TRANK1: variants seen among roughly 807,000 people sequenced by gnomAD.
The protein encoded by TRANK1 is TPR and ankyrin repeat-containing protein 1.
Under a neutral mutation model 266.0 loss-of-function variants are expected in TRANK1, and 198 were observed. The observed-to-expected ratio is 0.74, with a 90% CI of 0.66 to 0.84. The LOEUF is 0.84. TRANK1 is among the 40% of genes least tolerant of loss of function. The pLI, the probability that TRANK1 is intolerant of heterozygous loss-of-function variation, is 0.00. For synonymous variants in TRANK1, 1,396 were observed against 1,384.1 expected, an observed-to-expected ratio of 1.01 and a Z score of -0.19; for missense variants, 3,326 against 3,634.6, an observed-to-expected ratio of 0.92 and a Z score of 2.18.
chr3:36,912,460 T>C (rs913357333), intron 1 of TRANK1, among the ~76,000 whole-genome samples: 1 of 152,200 alleles, frequency 6.6e-6, no homozygotes, highest in African/African-American at 2.4e-5. Flanking sequence ...ACTTTCAGTT[T>C]CGTTAATGGT....
chr3:36,879,591 AATATATAAAT>A lies in TRANK1; in HGVS notation c.908-5305_908-5296del, dbSNP rs1231468291. ...ATATATAAATATATATAAATATACA[AATATATAAAT>A]ATATATAAATATACAAATATATATA... is the stretch of plus-strand genomic sequence containing the variant. On this transcript the variant is annotated intron_variant, in intron 8 of 23. Coordinates refer to ENST00000645898, the MANE Select transcript of TRANK1 (RefSeq NM_001329998.2). Among the ~76,000 whole-genome samples the A allele has an allele frequency of 7.7e-5, 8 of 103,420 alleles. 2 individuals are homozygous for A. Among genetic ancestry groups the A allele is most frequent in the Non-Finnish European group, 3.6e-5 (2 of 55,066 alleles). 67.8% of individuals were successfully genotyped at this position (103,420 alleles called of 152,430 possible).
At chr3:36,837,286 T>C (rs1207122288) in intron 20 of TRANK1, among the ~76,000 whole-genome samples, 1 of 152,138 alleles carries the variant, frequency 6.6e-6, no homozygotes, top group Non-Finnish European at 1.5e-5. Context: ...CATTCCCTTC[T>C]CCCACATCTT....
At chr3:36,850,241 T>C (rs2078968814) in intron 15 of TRANK1, 2 of 985,296 alleles carry the variant, frequency 2.0e-6, no homozygotes, top group Admixed American at 1.2e-4. Context: ...GTAAAAATGG[T>C]TCCAGGGTTA....
intron 2 of TRANK1, among the ~76,000 whole-genome samples, chr3:36,904,442 C>G (rs1282254657): frequency 2.0e-5 from 3 of 151,628 alleles, no homozygotes; most frequent in African/African-American, 7.3e-5. Flanking sequence ...ATCGTTTGAA[C>G]CCAGGAGGAG....
intron 8 of TRANK1, chr3:36,880,315 A>G: frequency 2.5e-6 from 1 of 398,116 alleles, no homozygotes; most frequent in Non-Finnish European, 5.3e-6. Context: ...CTCATGAGAA[A>G]CATCGATTCT....
intron 2 of TRANK1, among the ~76,000 whole-genome samples, chr3:36,907,148 A>ATATT (rs747053801): frequency 1.4e-4 from 21 of 152,104 alleles, no homozygotes; most frequent in South Asian, 8.3e-4. Context: ...ATTTACTGAT[A>ATATT]TATTTATTTA....
chr3:36,849,185 C>T (rs1160276105), intron 15 of TRANK1, among the ~76,000 whole-genome samples: 1 of 152,076 alleles, frequency 6.6e-6, no homozygotes, highest in Non-Finnish European at 1.5e-5. Flanking sequence ...AATTAGACAA[C>T]CCATAAAGGT....
chr3:36,939,376 G>C (rs2080467190), intron 1 of TRANK1, among the ~76,000 whole-genome samples: 1 of 151,572 alleles, frequency 6.6e-6, no homozygotes, highest in African/African-American at 2.4e-5. Context: ...AATTCATGTG[G>C]CTCCCTCCCA....
chr3:36,883,760 G>A (rs2079564427), intron 8 of TRANK1, among the ~76,000 whole-genome samples: 1 of 152,142 alleles, frequency 6.6e-6, no homozygotes, highest in Non-Finnish European at 1.5e-5. Flanking sequence ...TAGAACCATG[G>A]TAATATTTCA....
At chr3:36,929,882 G>GGTTGTTGTT (rs1338200740) in intron 1 of TRANK1, among the ~76,000 whole-genome samples, 22 of 99,446 alleles carry the variant, frequency 2.2e-4, no homozygotes, top group Non-Finnish European at 4.6e-4. Flanking sequence ...AGATGCAGCA[G>GGTTGTTGTT]ATTGTTGTTG....
chr3:36,851,848 A>G lies in TRANK1; in HGVS notation c.4758T>C (p.Leu1586=), dbSNP rs770391331. 4 of 1,596,692 alleles carry G rather than the reference A, an allele frequency of 2.5e-6. No homozygotes were observed. The highest frequency in any genetic ancestry group is 8.5e-7 in the Non-Finnish European group (1 of 1,172,268). ...PIEFGAHQVI[L]VANETAKEKI... ...TCTCCTTTGCCGTTTCATTGGCCAC[A>G]AGGATTACCTGAAGAAAAACAAAAG... Residue 1586 remains leucine, a synonymous_variant, in exon 15 of 24, where the codon CTT becomes CTC. Coordinates refer to ENST00000645898, the MANE Select transcript of TRANK1 (RefSeq NM_001329998.2).
At chr3:36,916,017 T>C (rs1482937957) in intron 1 of TRANK1, among the ~76,000 whole-genome samples, 2 of 152,198 alleles carry the variant, frequency 1.3e-5, no homozygotes, top group Non-Finnish European at 2.9e-5. Flanking sequence ...GGAATTCATC[T>C]AAATGCAACT....
At chr3:36,898,531 T>C (rs988136498) in intron 4 of TRANK1, among the ~76,000 whole-genome samples, 1 of 151,634 alleles carries the variant, frequency 6.6e-6, no homozygotes, top group Middle Eastern at 3.2e-3. Flanking sequence ...CGGAAACCCC[T>C]ATGAATAGCA....
At chr3:36,841,671 T>G (rs2078846210) in intron 18 of TRANK1, among the ~76,000 whole-genome samples, 1 of 150,976 alleles carries the variant, frequency 6.6e-6, no homozygotes, top group Non-Finnish European at 1.5e-5. Context: ...ATAAAAAAAA[T>G]AGAGAGATCA....
intron 20 of TRANK1, among the ~76,000 whole-genome samples, chr3:36,835,288 C>T (rs2078754502): frequency 7.6e-6 from 1 of 130,770 alleles, no homozygotes; most frequent in Non-Finnish European, 1.6e-5. Flanking sequence ...CACTGCACTC[C>T]AGCCTGGGCG....
At chr3:36,835,345 A>AAAAC (rs2078757395) in intron 20 of TRANK1, among the ~76,000 whole-genome samples, 1 of 135,216 alleles carries the variant, frequency 7.4e-6, no homozygotes, top group African/African-American at 2.8e-5. Context: ...AAAAAAAAAA[A>AAAAC]CCCTGTAACA....
At chr3:36,864,270 A>T (rs2079182833) in intron 10 of TRANK1, 49 bp downstream of exon 10, 3 of 1,444,582 alleles carry the variant, frequency 2.1e-6, no homozygotes, top group Non-Finnish European at 2.7e-6. Context: ...AAGAATTTTA[A>T]TGAACATAAA....
rs751827263 is a variant in TRANK1 at position 36,856,386 on chromosome 3, C to T, written c.3336G>A (p.Gln1112=). Residue 1112 remains glutamine, a synonymous_variant, in exon 13 of 24, where the codon CAG becomes CAA. Transcript: ENST00000645898. ...EQAGSPLLAK[Q]VWLKRRLEVE... is the part of the protein sequence containing the mutation. ...CTTCCAACCTTCTCTTCAGCCAGAC[C>T]TGTTTGGCCAGCAATGGGCTTCCTG... 2.5e-6 allele frequency: 4 copies of T among 1,599,294 alleles called. No homozygotes were observed. Among genetic ancestry groups the T allele is most frequent in the Non-Finnish European group, 3.4e-6 (4 of 1,172,700 alleles).
chr3:36,908,699 A>G, intron 1 of TRANK1: 1 of 923,896 alleles, frequency 1.1e-6, no homozygotes, highest in Non-Finnish European at 1.3e-6. Flanking sequence ...TTCAGCATTA[A>G]TGATCTGGAG....
Sources: gnomAD v4.1 joint callset for allele counts (sites outside exome capture counted in the v4.1 genomes callset) on GRCh38, gnomAD v4.1.1 for gene constraint, MANE v1.5 for transcripts, NCBI Gene and HGNC (gene_info 2026-07-23, HGNC 2026-07-21) for gene names.